Variants in MBNL3 observed in about 807,000 individuals in gnomAD.
MBNL3 encodes muscleblind like splicing regulator 3.
MBNL3 carries 6 observed loss-of-function variants against 24.5 expected under a neutral mutation model. The observed-to-expected ratio is 0.25, with a 90% confidence interval of 0.13 to 0.48. The LOEUF (loss-of-function observed/expected upper bound fraction) is 0.48. Ranked by LOEUF, MBNL3 falls within the 20% of genes least tolerant of loss-of-function variation. The probability of loss-of-function intolerance (pLI) is 0.99; values close to 1 mark genes in which losing one functional copy is unlikely to be tolerated. For missense variants in MBNL3, 230 were observed against 293.5 expected (o/e 0.78, Z 1.58); for synonymous variants, 100 against 101.7 (o/e 0.98, Z 0.10).
chrX:132,391,123 A>C (rs1937108178), intron 4 of MBNL3, 40 bp from the exon 5 acceptor site: 1 of 1,043,971 alleles, frequency 9.6e-7, no homozygotes, highest in Non-Finnish European at 1.3e-6. Context: ...CATCACACTG[A>C]TGACTGGAAG....
intron 2 of MBNL3, among the ~76,000 whole-genome samples, chrX:132,429,150 T>C (rs1476048461): frequency 1.8e-5 from 2 of 112,384 alleles, no homozygotes; most frequent in Non-Finnish European, 3.8e-5. Context: ...TATGATCCCA[T>C]AAAACAACAC....
At chrX:132,384,545 C>G (rs12390364) in intron 7 of MBNL3, 118 bp downstream of exon 7, 22,010 of 623,494 alleles carry the variant, frequency 0.035, 472 homozygotes, top group African/African-American at 0.13. Flanking sequence ...CATGTTAAAC[C>G]TTAACATACT....
upstream of MBNL3, among the ~76,000 whole-genome samples, chrX:132,489,530 G>A (rs1009362164): frequency 6.3e-5 from 7 of 111,635 alleles, no homozygotes; most frequent in Middle Eastern, 4.7e-3. Context: ...TCCCGGGCCA[G>A]TGCCCTCCGC....
At chrX:132,396,441 C>CCTATATATATTCATATATATTCCTAT (rs1156348606) in intron 3 of MBNL3, among the ~76,000 whole-genome samples, 1 of 71,766 alleles carries the variant, frequency 1.4e-5, no homozygotes, top group Non-Finnish European at 2.5e-5. Context: ...TATATATATT[C>CCTATATATATTCATATATATTCCTAT]ATATATATTC....
chrX:132,435,568 G>A (rs1945073004), intron 2 of MBNL3, among the ~76,000 whole-genome samples: 1 of 111,816 alleles, frequency 8.9e-6, no homozygotes, highest in African/African-American at 3.3e-5. Context: ...AGAATATACT[G>A]GTAACTTGGG....
intron 8 of MBNL3, among the ~76,000 whole-genome samples, chrX:132,380,135 C>T (rs1934607751): frequency 8.9e-6 from 1 of 112,371 alleles, no homozygotes; most frequent in Non-Finnish European, 1.9e-5. Flanking sequence ...TACAAAATTA[C>T]ATTTTTGAAC....
intron 2 of MBNL3, among the ~76,000 whole-genome samples, chrX:132,423,289 T>G (rs1447263866): frequency 9.0e-6 from 1 of 111,594 alleles, no homozygotes; most frequent in East Asian, 2.8e-4. Flanking sequence ...GTATAAACAT[T>G]TCCAGAGTGT....
At chrX:132,487,454 TA>T (rs1179497184) in intron 1 of MBNL3, among the ~76,000 whole-genome samples, 21 of 112,791 alleles carry the variant, frequency 1.9e-4, no homozygotes, top group African/African-American at 5.5e-4. Flanking sequence ...TGTTTGTTTC[TA>T]GGTAGACTAC....
At chrX:132,384,394 C>T (rs747633960) in intron 7 of MBNL3, among the ~76,000 whole-genome samples, 10 of 112,085 alleles carry the variant, frequency 8.9e-5, no homozygotes, top group South Asian at 3.6e-4. Context: ...GTAAAAGAAA[C>T]GATTTTTTAA....
At chrX:132,400,233 T>C (rs1282294956) in intron 3 of MBNL3, among the ~76,000 whole-genome samples, 1 of 111,334 alleles carries the variant, frequency 9.0e-6, no homozygotes, top group East Asian at 2.8e-4. Context: ...AATAATAAAA[T>C]AAAATAAAGA....
intron 1 of MBNL3, among the ~76,000 whole-genome samples, chrX:132,473,633 A>C (rs1044260635): frequency 2.7e-5 from 3 of 110,973 alleles, no homozygotes; most frequent in Non-Finnish European, 5.7e-5. Flanking sequence ...CACGCACACA[A>C]AAAAAACCCA....
chrX:132,389,412 G>T (rs1474096172), intron 5 of MBNL3, among the ~76,000 whole-genome samples: 1 of 112,047 alleles, frequency 8.9e-6, no homozygotes, highest in Non-Finnish European at 1.9e-5. Flanking sequence ...TTGGAATAGG[G>T]ACTGACTTCT....
rs890796559 is a variant in MBNL3, at chrX:132,372,048, G to A, written c.*7618C>T. The A allele has an allele frequency of 9.0e-6, 1 of 110,611 alleles. No homozygotes were observed. Among genetic ancestry groups the A allele is most frequent in the African/African-American group, 3.3e-5 (1 of 30,579 alleles). 9.1% of individuals were successfully genotyped at this position (110,611 alleles called of 1,213,427 possible). On this transcript the variant is annotated 3_prime_UTR_variant, in exon 9 of 9. Coordinates refer to ENST00000370853, the MANE Select transcript of MBNL3 (RefSeq NM_001386889.1). The stretch of plus-strand genomic sequence containing the variant: ...AGAAGAACAAAAAATAAACATAGAA[G>A]TAGCATACTAAAATGAGCTGCATAA...
chrX:132,438,649 T>G (rs1158274474), intron 2 of MBNL3, among the ~76,000 whole-genome samples: 1 of 108,509 alleles, frequency 9.2e-6, no homozygotes, highest in Non-Finnish European at 1.9e-5. Context: ...AGGATAACTA[T>G]GAATAACACA....
At chrX:132,464,559 CA>C (rs142472171) in intron 1 of MBNL3, among the ~76,000 whole-genome samples, 6 of 111,428 alleles carry the variant, frequency 5.4e-5, no homozygotes, top group South Asian at 7.4e-4. Flanking sequence ...CTTAAAACAC[CA>C]AAAAAACATT....
Position 132,406,571 on chromosome X carries a change from C to T in MBNL3, c.178-179G>A, listed in dbSNP as rs773847260. 8.1e-5 allele frequency among the ~76,000 whole-genome samples: 9 copies of T among 111,683 alleles called. No individual in the cohort carries two copies. The East Asian group carries it at 1.4e-3, about 17-fold the overall frequency. On this transcript the variant is annotated intron_variant, in intron 2 of 8. Transcript: ENST00000370853. Reference sequence around the variant, plus strand: ...TAATGAAATAATAAATCCCTATGCCCGGCAGCCATTTTGTTCTTTAGGTTC... The same window carrying T: ...TAATGAAATAATAAATCCCTATGCCTGGCAGCCATTTTGTTCTTTAGGTTC...
At chrX:132,390,172 A>G (rs1936875072) in intron 5 of MBNL3, among the ~76,000 whole-genome samples, 1 of 105,875 alleles carries the variant, frequency 9.4e-6, no homozygotes, top group South Asian at 4.4e-4. Flanking sequence ...TAGCCTGGGC[A>G]ACAGAGTGAG....
intron 1 of MBNL3, among the ~76,000 whole-genome samples, chrX:132,458,137 CAGTA>C (rs377059905): frequency 9.9e-5 from 11 of 111,087 alleles, no homozygotes; most frequent in African/African-American, 2.6e-4. Context: ...ACTAAACACA[CAGTA>C]AGAACTAACT....
chrX:132,399,717 T>A (rs5933153), intron 3 of MBNL3, among the ~76,000 whole-genome samples: 11,310 of 108,772 alleles, frequency 0.1, 566 homozygotes, highest in Non-Finnish European at 0.14. Context: ...GGGGTACCAC[T>A]TTAATTATCA....
Sources: gnomAD v4.1 joint callset for allele counts (sites outside exome capture counted in the v4.1 genomes callset) on GRCh38, gnomAD v4.1.1 for gene constraint, MANE v1.5 for transcripts, NCBI Gene and HGNC (gene_info 2026-07-23, HGNC 2026-07-21) for gene names.